The following ADAMTSL1 variants were observed in gnomAD, a reference collection of about 807,000 sequenced individuals.
ADAMTSL1 encodes ADAMTS like 1.
A neutral mutation model predicts 201.8 loss-of-function variants in ADAMTSL1; 126 were observed. The observed-to-expected ratio is 0.62, with a 90% CI of 0.54 to 0.72. The LOEUF (loss-of-function observed/expected upper bound fraction) is 0.72. Ranked by LOEUF, ADAMTSL1 falls within the 30% of genes least tolerant of loss-of-function variation. The pLI, the probability that ADAMTSL1 is intolerant of heterozygous loss-of-function variation, is 0.00. For synonymous variants in ADAMTSL1, 1,121 were observed against 903.4 expected (o/e 1.24, Z -4.32); for missense variants, 2,679 against 2,277.8 (o/e 1.18, Z -3.59).
intron 2 of ADAMTSL1, among the ~76,000 whole-genome samples, chr9:18,219,655 G>A (rs1830183758): frequency 6.6e-6 from 1 of 152,118 alleles, no homozygotes; most frequent in African/African-American, 2.4e-5. Flanking sequence ...ACTGTGCCCA[G>A]CCTATATGTA....
Position 18,407,415 on chromosome 9 carries a change from A to C in ADAMTSL1, c.208-97414A>C, listed in dbSNP as rs190943125. Among the ~76,000 whole-genome samples the C allele has an allele frequency of 4.6e-5, 7 of 152,352 alleles. No individual in the cohort carries two copies. In the East Asian group the frequency reaches 1.3e-3, roughly 29 times the overall value. On this transcript the variant is annotated intron_variant, in intron 2 of 29. Coordinates refer to the ADAMTSL1 transcript ENST00000680146. Reference sequence around the variant, plus strand: ...GAGATTTGGGAATTCTCATCATAGAAGAAGCAATTGAATCCTGGAATGAAT... The same window carrying C: ...GAGATTTGGGAATTCTCATCATAGACGAAGCAATTGAATCCTGGAATGAAT...
intron 1 of ADAMTSL1, among the ~76,000 whole-genome samples, chr9:18,487,888 CA>C (rs1475251027): frequency 1.3e-5 from 2 of 152,216 alleles, no homozygotes; most frequent in Non-Finnish European, 2.9e-5. Context: ...TACCGTATTT[CA>C]TCGATCCTAA....
intron 13 of ADAMTSL1, 72 bp from the exon 14 acceptor site, chr9:18,706,673 CAG>C (rs1418989597): frequency 2.1e-6 from 3 of 1,437,900 alleles, no homozygotes; most frequent in African/African-American, 2.8e-5. Context: ...AGGTGGGATG[CAG>C]CCCCTCACAG....
At chr9:18,431,251 G>T (rs1819477562) in intron 2 of ADAMTSL1, among the ~76,000 whole-genome samples, 1 of 152,208 alleles carries the variant, frequency 6.6e-6, no homozygotes, top group Non-Finnish European at 1.5e-5. Context: ...GAATTCATAT[G>T]TCCAGAATGC....
chr9:18,721,471 A>T (rs1833365640), intron 14 of ADAMTSL1, 65 bp from the exon 15 acceptor site: 2 of 1,585,074 alleles, frequency 1.3e-6, no homozygotes, highest in Middle Eastern at 2.0e-4. Context: ...CCTTGTCTAC[A>T]CTTCATCACC....
chr9:18,375,608 C>T (rs114624541), intron 2 of ADAMTSL1, among the ~76,000 whole-genome samples: 7 of 152,168 alleles, frequency 4.6e-5, no homozygotes, highest in Non-Finnish European at 1.0e-4. Flanking sequence ...TGTGGTCTCG[C>T]TGACTTCAGG....
At chr9:18,058,961 A>C (rs1047991833) in intron 1 of ADAMTSL1, among the ~76,000 whole-genome samples, 3 of 152,194 alleles carry the variant, frequency 2.0e-5, no homozygotes, top group African/African-American at 7.2e-5. Context: ...CCTGTCTTTT[A>C]GCTTTGGAAT....
At chr9:18,443,833 T>C (rs1340040) in intron 2 of ADAMTSL1, among the ~76,000 whole-genome samples, 79,217 of 151,680 alleles carry the variant, frequency 0.52, 20,909 homozygotes, top group Non-Finnish European at 0.57. Context: ...TAGACTATAA[T>C]ATTGTCAACA....
At chr9:18,490,395 G>A (rs1822211183) in intron 1 of ADAMTSL1, among the ~76,000 whole-genome samples, 1 of 152,104 alleles carries the variant, frequency 6.6e-6, no homozygotes, top group South Asian at 2.1e-4. Flanking sequence ...AAGGGGAATT[G>A]TTGTATAGCA....
chr9:18,726,638 C>T (rs1817911481), intron 15 of ADAMTSL1, among the ~76,000 whole-genome samples: 1 of 151,858 alleles, frequency 6.6e-6, no homozygotes, highest in East Asian at 1.9e-4. Context: ...TTAATTATAG[C>T]ATTTGATAGC....
chr9:18,790,012 T>C (rs529306636), intron 19 of ADAMTSL1, among the ~76,000 whole-genome samples: 2 of 152,270 alleles, frequency 1.3e-5, no homozygotes, highest in African/African-American at 4.8e-5. Flanking sequence ...AGGTAGTAGA[T>C]GGGCATTTCT....
chr9:18,166,120 T>C (rs1409402350), intron 2 of ADAMTSL1, among the ~76,000 whole-genome samples: 1 of 151,920 alleles, frequency 6.6e-6, no homozygotes, highest in African/African-American at 2.4e-5. Context: ...TATTTGATTT[T>C]AAGTATGTCT....
At chr9:18,614,868 T>C (rs924584998) in intron 4 of ADAMTSL1, among the ~76,000 whole-genome samples, 9 of 152,206 alleles carry the variant, frequency 5.9e-5, no homozygotes, top group Admixed American at 3.3e-4. Context: ...TCCCAACTTC[T>C]TAACACAAAG....
At chr9:18,357,368 G>A (rs1169094724) in intron 2 of ADAMTSL1, among the ~76,000 whole-genome samples, 1 of 152,104 alleles carries the variant, frequency 6.6e-6, no homozygotes, top group Non-Finnish European at 1.5e-5. Context: ...TTTGGTAGAA[G>A]CACTATTAAT....
At chr9:18,109,716 A>T (rs542637402) in intron 1 of ADAMTSL1, among the ~76,000 whole-genome samples, 5 of 152,274 alleles carry the variant, frequency 3.3e-5, no homozygotes, top group South Asian at 4.1e-4. Flanking sequence ...CTTGTAGCCT[A>T]ATTCTTCGGA....
rs117699771 is a variant in ADAMTSL1 at position 18,525,904 on chromosome 9, G to T, written c.192-7343G>T. ...TGGAATTAGTGCAATGTGGTTTCGA[G>T]AAGAACGTATATTCTGTTGATTTGG... On this transcript the variant is annotated intron_variant, in intron 2 of 28. Coordinates refer to ENST00000380548, the MANE Select transcript of ADAMTSL1 (RefSeq NM_001040272.6). Among the ~76,000 whole-genome samples the T allele has an allele frequency of 2.9e-3, 445 of 152,292 alleles. 5 individuals carry two copies. The highest frequency in any genetic ancestry group is 5.0e-3 in the Non-Finnish European group (341 of 68,024).
chr9:18,575,790 T>A (rs528803345), intron 4 of ADAMTSL1, among the ~76,000 whole-genome samples: 59 of 152,300 alleles, frequency 3.9e-4, no homozygotes, highest in African/African-American at 1.4e-3. Flanking sequence ...ATGCCAGAAA[T>A]GGGACTAAAT....
intron 2 of ADAMTSL1, among the ~76,000 whole-genome samples, chr9:18,196,113 T>C (rs1829166710): frequency 6.6e-6 from 1 of 152,088 alleles, no homozygotes; most frequent in Admixed American, 6.6e-5. Flanking sequence ...ACGTTGCCAT[T>C]CATCTACTAC....
At chr9:18,614,348 T>C (rs1008750732) in intron 4 of ADAMTSL1, among the ~76,000 whole-genome samples, 3 of 152,142 alleles carry the variant, frequency 2.0e-5, no homozygotes, top group African/African-American at 7.2e-5. Context: ...GAGATGCTCA[T>C]TGATGACACA....
Sources: allele counts gnomAD v4.1 joint callset (sites outside exome capture counted in the v4.1 genomes callset), GRCh38; gene constraint gnomAD v4.1.1; transcripts MANE v1.5; gene names NCBI Gene and HGNC (gene_info 2026-07-23, HGNC 2026-07-21).